PTPN5: variants seen among roughly 807,000 people sequenced by gnomAD.
PTPN5 encodes the protein protein tyrosine phosphatase non-receptor type 5, also known as tyrosine-protein phosphatase non-receptor type 5.
PTPN5 carries 29 observed loss-of-function variants against 73.9 expected under a neutral mutation model. That is an observed-to-expected ratio of 0.39 (90% CI 0.29 to 0.54). The LOEUF is 0.54. Among genes scored for constraint, PTPN5 ranks in the 20% least tolerant of loss-of-function variants. The pLI, the probability that PTPN5 is intolerant of heterozygous loss-of-function variation, is 0.65. For synonymous variants in PTPN5, 267 were observed against 304.7 expected, an observed-to-expected ratio of 0.88 and a Z score of 1.29; for missense variants, 652 against 751.4, an observed-to-expected ratio of 0.87 and a Z score of 1.55.
chr11:18,732,326 A>G (rs1848917006), intron 12 of PTPN5, among the ~76,000 whole-genome samples: 1 of 152,190 alleles, frequency 6.6e-6, no homozygotes, highest in South Asian at 2.1e-4. Flanking sequence ...CATAGCTAGA[A>G]TGCATTATGA....
At position 18,771,924 on chromosome 11, in the gene PTPN5, T is replaced by C. The variant is rs1850921358; in HGVS notation, c.20+15A>G. On this transcript the variant is annotated intron_variant, in intron 2 of 14. Transcript: ENST00000358540. ...GTGGGCGGGTTGCAGGGGGACGGCGTAAACGCTCACTCACCTGGCTCCCTC... is the reference window on the plus strand; with the variant it reads ...GTGGGCGGGTTGCAGGGGGACGGCGCAAACGCTCACTCACCTGGCTCCCTC... 6.3e-7 allele frequency: 1 copy of C among 1,597,032 alleles called. No individual in the cohort carries two copies. Among genetic ancestry groups the C allele is most frequent in the Admixed American group, 1.8e-5 (1 of 57,084 alleles).
chr11:18,739,050 T>C (rs1337681721), intron 8 of PTPN5, among the ~76,000 whole-genome samples: 3 of 152,018 alleles, frequency 2.0e-5, no homozygotes, highest in Non-Finnish European at 4.4e-5. Flanking sequence ...TCCATGCCTC[T>C]TGCCTCTGCA....
chr11:18,738,410 C>T (rs1291265274), intron 8 of PTPN5, among the ~76,000 whole-genome samples: 2 of 152,174 alleles, frequency 1.3e-5, no homozygotes, highest in Non-Finnish European at 2.9e-5. Context: ...CCCTGATTCT[C>T]CAGAAGGAGA....
In PTPN5 at chr11:18,781,765, C is replaced by A. The variant is rs532329656; in HGVS notation, c.-113-9694G>T. Among the ~76,000 whole-genome samples, 4 of 152,242 alleles carry A rather than the reference C, an allele frequency of 2.6e-5. No individual in the cohort carries two copies. In the East Asian group the frequency reaches 7.7e-4, roughly 29 times the overall value. ...TGGGGGACACACAGATAACTAAGAGCCAGTCCCTGCCCTCCACCCAGCATT... is the reference window on the plus strand; with the variant it reads ...TGGGGGACACACAGATAACTAAGAGACAGTCCCTGCCCTCCACCCAGCATT... On this transcript the variant is annotated intron_variant, in intron 1 of 14. Coordinates refer to ENST00000358540, the MANE Select transcript of PTPN5 (RefSeq NM_006906.2).
At chr11:18,753,324 A>G (rs1849978477) in intron 3 of PTPN5, among the ~76,000 whole-genome samples, 1 of 152,128 alleles carries the variant, frequency 6.6e-6, no homozygotes, top group African/African-American at 2.4e-5. Context: ...CATCCATCTC[A>G]CTACCTCAGG....
chr11:18,768,473 T>C (rs1158762999), intron 2 of PTPN5, among the ~76,000 whole-genome samples: 1 of 152,188 alleles, frequency 6.6e-6, no homozygotes, highest in African/African-American at 2.4e-5. Context: ...CCATGAGGGC[T>C]GACCCCTGGC....
chr11:18,740,926 AGT>A, intron 7 of PTPN5, 134 bp from the exon 8 acceptor site: 1 of 478,316 alleles, frequency 2.1e-6, no homozygotes, highest in Non-Finnish European at 3.6e-6. Flanking sequence ...GAGGAGTGGG[AGT>A]GTGACAAGAC....
chr11:18,749,065 G>A (rs1321175131), intron 3 of PTPN5, among the ~76,000 whole-genome samples: 1 of 152,174 alleles, frequency 6.6e-6, no homozygotes, highest in Non-Finnish European at 1.5e-5. Flanking sequence ...AGTTCCCAAA[G>A]TGCCTCTGCA....
At chr11:18,748,879 A>G (rs1173691180) in intron 3 of PTPN5, among the ~76,000 whole-genome samples, 2 of 152,218 alleles carry the variant, frequency 1.3e-5, no homozygotes, top group East Asian at 3.8e-4. Flanking sequence ...CTGGGGACAC[A>G]GCAGTGAAGG....
At chr11:18,776,146 G>C (rs1851142930) in intron 1 of PTPN5, among the ~76,000 whole-genome samples, 1 of 152,212 alleles carries the variant, frequency 6.6e-6, no homozygotes, top group African/African-American at 2.4e-5. Flanking sequence ...CAGGTATGCA[G>C]TTTAATTTAC....
intron 8 of PTPN5, among the ~76,000 whole-genome samples, chr11:18,739,621 C>A (rs920503078): frequency 1.3e-5 from 2 of 152,158 alleles, no homozygotes; most frequent in African/African-American, 4.8e-5. Flanking sequence ...GAGAGCTACC[C>A]GGTCCAGACA....
chr11:18,778,861 T>C (rs1185968980), intron 1 of PTPN5, among the ~76,000 whole-genome samples: 2 of 152,210 alleles, frequency 1.3e-5, no homozygotes, highest in Non-Finnish European at 2.9e-5. Context: ...AATTCTGGCC[T>C]AGCCTGTGTT....
At chr11:18,755,745 C>A (rs1285402088) in intron 3 of PTPN5, among the ~76,000 whole-genome samples, 3 of 152,066 alleles carry the variant, frequency 2.0e-5, no homozygotes, top group Non-Finnish European at 4.4e-5. Context: ...GTGGCTCACT[C>A]CCGTAATCCC....
intron 3 of PTPN5, among the ~76,000 whole-genome samples, chr11:18,746,188 T>TAC (rs1849622904): frequency 8.4e-6 from 1 of 119,260 alleles, no homozygotes; most frequent in Non-Finnish European, 1.9e-5. Flanking sequence ...TATATATATA[T>TAC]ATATACATTT....
intron 1 of PTPN5, among the ~76,000 whole-genome samples, chr11:18,790,499 C>T (rs1851867132): frequency 6.6e-6 from 1 of 152,208 alleles, no homozygotes; most frequent in Non-Finnish European, 1.5e-5. Flanking sequence ...AGGTCCTGGG[C>T]TTCTTCATTC....
chr11:18,786,628 G>C (rs1032703718), intron 1 of PTPN5, among the ~76,000 whole-genome samples: 2 of 152,130 alleles, frequency 1.3e-5, no homozygotes, highest in African/African-American at 4.8e-5. Context: ...GAGATGACCT[G>C]AGTTTCTACC....
In PTPN5 at chr11:18,728,928, G is replaced by A. The variant is rs1167894092; in HGVS notation, c.*6C>T. On this transcript the variant is annotated 3_prime_UTR_variant, in exon 15 of 15. Coordinates refer to ENST00000358540, the MANE Select transcript of PTPN5 (RefSeq NM_006906.2). The surrounding 1 kb of genome is among the most constrained non-coding windows in gnomAD (Gnocchi z 4.1). ...GTGCCCAGAGAACCTTGTAGGAGAAGCGCAGTCATTCTGGGGACTGGTGGG... is the reference window on the plus strand; with the variant it reads ...GTGCCCAGAGAACCTTGTAGGAGAAACGCAGTCATTCTGGGGACTGGTGGG... 6.2e-7 allele frequency: 1 copy of A among 1,612,236 alleles called. No individual in the cohort carries two copies.
In PTPN5 at chr11:18,733,728, C is replaced by T; in HGVS notation, c.1001-93G>A. On this transcript the variant is annotated intron_variant, in intron 9 of 14. Transcript: ENST00000358540. The surrounding 1 kb of genome is among the most constrained non-coding windows in gnomAD (Gnocchi z 4.3). ...CTATTCCAGCATACCCACACTTCTT[C>T]TGCGACATTAGCAGTTCTTCCTTCC... 1.8e-6 allele frequency: 2 copies of T among 1,087,782 alleles called. No individual in the cohort carries two copies. The highest frequency in any genetic ancestry group is 2.8e-6 in the Non-Finnish European group (2 of 708,024). The allele number at this position is 1,087,782 out of a possible 1,614,324, so 67.4% of individuals were successfully genotyped here. A position where few individuals can be genotyped will look rare whatever the true frequency, so the allele number is the denominator to read the frequency against.
At chr11:18,753,290 ACT>A (rs756793226) in intron 3 of PTPN5, among the ~76,000 whole-genome samples, 26 of 151,928 alleles carry the variant, frequency 1.7e-4, no homozygotes, top group Non-Finnish European at 3.2e-4. Flanking sequence ...GGGGGCCTGG[ACT>A]CTCTGGCTGT....
Sources: allele counts gnomAD v4.1 joint callset (sites outside exome capture counted in the v4.1 genomes callset), GRCh38; gene constraint gnomAD v4.1.1; non-coding constraint Gnocchi (gnomAD v3.1); transcripts MANE v1.5; gene names NCBI Gene and HGNC (gene_info 2026-07-23, HGNC 2026-07-21).